SPATA6: variants seen among roughly 807,000 people sequenced by gnomAD.
SPATA6 encodes the protein spermatogenesis-associated protein 6.
Under a neutral mutation model 65.3 loss-of-function variants are expected in SPATA6, and 56 were observed. The observed-to-expected ratio is 0.86, with a 90% CI of 0.69 to 1.07. The LOEUF (loss-of-function observed/expected upper bound fraction) is 1.07. Ranked by LOEUF, SPATA6 falls within the 50% of genes least tolerant of loss-of-function variation. SPATA6 has a pLI of 0.00. For missense variants in SPATA6, 590 were observed against 594.8 expected (o/e 0.99, Z 0.08); for synonymous variants, 199 against 213.2 (o/e 0.93, Z 0.58).
In SPATA6 at chr1:48,364,355, T is replaced by C. The variant is rs972209385; in HGVS notation, c.910-4585A>G. Among the ~76,000 whole-genome samples the C allele has an allele frequency of 3.3e-4, 51 of 152,346 alleles. 1 individual carries two copies. Among genetic ancestry groups the C allele is most frequent in the African/African-American group, 1.1e-3 (47 of 41,570 alleles). ...CTGGGTCAAATGGTACTTCTAGTTC[T>C]AGATCCCTGAGGAATCGCCACACTG... is the stretch of plus-strand genomic sequence containing the variant. On this transcript the variant is annotated intron_variant, in intron 9 of 12. Transcript: ENST00000371847.
At chr1:48,388,251 TCA>T (rs932571319) in intron 8 of SPATA6, among the ~76,000 whole-genome samples, 2 of 149,368 alleles carry the variant, frequency 1.3e-5, no homozygotes, top group African/African-American at 4.9e-5. Flanking sequence ...AAAAAAAAAA[TCA>T]CACAGAGACT....
At chr1:48,410,194 C>G (rs1366838541) in intron 5 of SPATA6, among the ~76,000 whole-genome samples, 2 of 152,202 alleles carry the variant, frequency 1.3e-5, no homozygotes, top group East Asian at 3.9e-4. Flanking sequence ...TAAATCATCT[C>G]TCTCAAGTTC....
In SPATA6 at chr1:48,298,589, G is replaced by T; in HGVS notation, c.*124C>A. 1 of 831,070 alleles carries T rather than the reference G, an allele frequency of 1.2e-6. No individual in the cohort carries two copies. The highest frequency in any genetic ancestry group is 1.8e-6 in the Non-Finnish European group (1 of 550,168). The allele number at this position is 831,070 out of a possible 1,614,324, so 51.5% of individuals were successfully genotyped here. The stretch of plus-strand genomic sequence containing the variant: ...CATTTGAAGTAATGAACTTATTCAA[G>T]TATAACTATTGTACTTAGTTATAAT... On this transcript the variant is annotated 3_prime_UTR_variant, in exon 13 of 13. Coordinates refer to ENST00000371847, the MANE Select transcript of SPATA6 (RefSeq NM_019073.4).
intron 7 of SPATA6, among the ~76,000 whole-genome samples, chr1:48,396,560 A>G (rs78708727): frequency 0.033 from 5,060 of 151,910 alleles, 91 homozygotes; most frequent in South Asian, 0.06. Flanking sequence ...TAGTACATAC[A>G]TATAAGAGAA....
At chr1:48,374,629 C>T (rs984791309) in intron 9 of SPATA6, among the ~76,000 whole-genome samples, 8 of 152,322 alleles carry the variant, frequency 5.3e-5, no homozygotes, top group African/African-American at 1.9e-4. Context: ...AATCATCAAT[C>T]ACCTACCTTT....
At chr1:48,411,646 A>C (rs1652246201) in intron 4 of SPATA6, 58 bp from the exon 5 acceptor site, 1 of 1,396,130 alleles carries the variant, frequency 7.2e-7, no homozygotes, top group Admixed American at 2.5e-5. Context: ...TTAGAAACAA[A>C]ATCATCAAGT....
intron 3 of SPATA6, among the ~76,000 whole-genome samples, chr1:48,417,353 T>C (rs766165485): frequency 6.6e-6 from 1 of 152,174 alleles, no homozygotes; most frequent in Non-Finnish European, 1.5e-5. Flanking sequence ...AGAACAATAC[T>C]GAATGAAAGA....
intron 1 of SPATA6, among the ~76,000 whole-genome samples, chr1:48,454,599 TAA>T (rs1656860789): frequency 6.6e-6 from 1 of 152,238 alleles, no homozygotes; most frequent in Non-Finnish European, 1.5e-5. Context: ...GCATTTTAAT[TAA>T]GAGGGTACAT....
At chr1:48,460,096 A>G (rs78858434) in intron 1 of SPATA6, among the ~76,000 whole-genome samples, 3,383 of 151,990 alleles carry the variant, frequency 0.022, 53 homozygotes, top group Middle Eastern at 0.048. Flanking sequence ...TCAACCTCCC[A>G]AGTGGCTAAG....
intron 11 of SPATA6, chr1:48,325,330 C>T (rs1252906273): frequency 7.8e-7 from 1 of 1,284,804 alleles, no homozygotes; most frequent in Non-Finnish European, 1.1e-6. Flanking sequence ...GGGCACAGGC[C>T]CCCGTAGAGT....
chr1:48,345,999 C>A (rs1646354333), intron 11 of SPATA6, among the ~76,000 whole-genome samples: 2 of 151,982 alleles, frequency 1.3e-5, no homozygotes, highest in Non-Finnish European at 2.9e-5. Flanking sequence ...TTTATGAGAC[C>A]ACAGCCTCAT....
the SPATA6 span, among the ~76,000 whole-genome samples, chr1:48,288,092 T>C: frequency 1.3e-5 from 2 of 152,250 alleles, no homozygotes; most frequent in Non-Finnish European, 2.9e-5. Flanking sequence ...TCTGTTAATG[T>C]ATCTCACATT....
At chr1:48,402,951 G>A (rs1000450901) in intron 6 of SPATA6, among the ~76,000 whole-genome samples, 3 of 152,128 alleles carry the variant, frequency 2.0e-5, no homozygotes, top group African/African-American at 4.8e-5. Flanking sequence ...GGCTGAGGTG[G>A]GCAGATTGCT....
chr1:48,459,204 C>CAAAAAAAAA (rs35079974), intron 1 of SPATA6, among the ~76,000 whole-genome samples: 7 of 66,390 alleles, frequency 1.1e-4, no homozygotes, highest in East Asian at 5.3e-4. Flanking sequence ...GACTCCATAT[C>CAAAAAAAAA]AAAAAAAAAA....
intron 3 of SPATA6, among the ~76,000 whole-genome samples, chr1:48,431,578 G>C (rs1408956188): frequency 6.6e-6 from 1 of 152,094 alleles, no homozygotes; most frequent in African/African-American, 2.4e-5. Flanking sequence ...GATATACAAA[G>C]TATATTCTCT....
At chr1:48,393,971 T>C (rs934218434) in intron 8 of SPATA6, among the ~76,000 whole-genome samples, 4 of 152,056 alleles carry the variant, frequency 2.6e-5, no homozygotes, top group African/African-American at 9.7e-5. Context: ...GGCTTCAACA[T>C]ATTAAGTTTT....
chr1:48,309,777 A>C (rs1163427380), intron 11 of SPATA6, among the ~76,000 whole-genome samples: 1 of 152,188 alleles, frequency 6.6e-6, no homozygotes, highest in East Asian at 1.9e-4. Context: ...GATCACTGAT[A>C]TCTCTATTCT....
chr1:48,354,042 A>C (rs1479179464), intron 11 of SPATA6, among the ~76,000 whole-genome samples: 1 of 152,148 alleles, frequency 6.6e-6, no homozygotes, highest in Non-Finnish European at 1.5e-5. Flanking sequence ...AAAGATAGAC[A>C]ATCCAGTAGA....
chr1:48,299,532 A>AAAAAAAAAAAAAAAAAAAAAAAC (rs1644883730), intron 12 of SPATA6, among the ~76,000 whole-genome samples: 1 of 150,006 alleles, frequency 6.7e-6, no homozygotes, highest in Non-Finnish European at 1.5e-5. Context: ...AAAAAAAAAA[A>AAAAAAAAAAAAAAAAAAAAAAAC]AAAAAGAATG....
Sources: allele counts gnomAD v4.1 joint callset (sites outside exome capture counted in the v4.1 genomes callset), GRCh38; gene constraint gnomAD v4.1.1; transcripts MANE v1.5; gene names NCBI Gene and HGNC (gene_info 2026-07-23, HGNC 2026-07-21).